The following PBX1 variants were observed in gnomAD, a reference collection of about 807,000 sequenced individuals.
PBX1 encodes PBX homeobox 1.
PBX1 carries 6 observed loss-of-function variants against 53.4 expected under a neutral mutation model. That is an observed-to-expected ratio of 0.11 (90% CI 0.06 to 0.22). The LOEUF is 0.22. Among genes scored for constraint, PBX1 ranks in the 10% least tolerant of loss-of-function variants. The probability of loss-of-function intolerance (pLI) is 1.00; values close to 1 mark genes in which losing one functional copy is unlikely to be tolerated. For missense variants in PBX1, 251 were observed against 551.4 expected (o/e 0.46, Z 5.46); for synonymous variants, 204 against 212.3 (o/e 0.96, Z 0.34).
intron 2 of PBX1, among the ~76,000 whole-genome samples, chr1:164,730,983 A>G (rs895603066): frequency 6.6e-6 from 1 of 152,200 alleles, no homozygotes; most frequent in Non-Finnish European, 1.5e-5. Context: ...CAAAAACATA[A>G]TGCATAGAGG....
rs559211790 is a variant in PBX1 at position 164,612,955 on chromosome 1, C to G, written c.265+49644C>G. ...GTATGAAGAAAAATAGACCTACCTC[C>G]CAGGGTTATTGGGCAGTTTAAATGA... On this transcript the variant is annotated intron_variant, in intron 2 of 8. Transcript: ENST00000420696. Among the ~76,000 whole-genome samples the G allele has an allele frequency of 1.2e-4, 19 of 152,220 alleles. No homozygotes were observed. The South Asian group carries it at 3.7e-3, about 30-fold the overall frequency.
At chr1:164,710,428 T>G (rs1459931418) in intron 2 of PBX1, among the ~76,000 whole-genome samples, 1 of 152,126 alleles carries the variant, frequency 6.6e-6, no homozygotes, top group East Asian at 1.9e-4. Context: ...TTTTGTTTTT[T>G]GAGATGGAGT....
At chr1:164,597,314 A>G (rs1655836091) in intron 2 of PBX1, among the ~76,000 whole-genome samples, 1 of 152,208 alleles carries the variant, frequency 6.6e-6, no homozygotes, top group Non-Finnish European at 1.5e-5. Context: ...TTGTGGAAGG[A>G]ACAGAGTTGG....
intron 2 of PBX1, among the ~76,000 whole-genome samples, chr1:164,595,310 AG>A (rs1364094852): frequency 4.6e-5 from 7 of 152,222 alleles, no homozygotes; most frequent in African/African-American, 1.7e-4. Flanking sequence ...AGCCGTGATC[AG>A]AGCCCTTGGA....
At chr1:164,764,129 T>A (rs746287038) in intron 2 of PBX1, among the ~76,000 whole-genome samples, 9 of 152,170 alleles carry the variant, frequency 5.9e-5, no homozygotes, top group Admixed American at 2.0e-4. Context: ...GCATATACTT[T>A]ATGCTCTGTA....
At chr1:164,878,994 C>T (rs1672581125) in intron 2 of PBX1, among the ~76,000 whole-genome samples, 1 of 152,058 alleles carries the variant, frequency 6.6e-6, no homozygotes, top group South Asian at 2.1e-4. Context: ...TAGAGCAGAC[C>T]CAAAAGGTAA....
intron 2 of PBX1, among the ~76,000 whole-genome samples, chr1:164,621,895 A>G (rs1018213459): frequency 1.3e-5 from 2 of 152,172 alleles, no homozygotes; most frequent in African/African-American, 4.8e-5. Flanking sequence ...GGACCAGAAG[A>G]AAAGCTCCCA....
chr1:164,633,290 C>T (rs924852263), intron 2 of PBX1, among the ~76,000 whole-genome samples: 24 of 152,166 alleles, frequency 1.6e-4, no homozygotes, highest in Admixed American at 8.5e-4. Flanking sequence ...GCTGGGATTA[C>T]AGGTGTGCGT....
intron 2 of PBX1, among the ~76,000 whole-genome samples, chr1:164,704,098 A>G (rs914242164): frequency 6.6e-6 from 1 of 152,180 alleles, no homozygotes. Context: ...AATCTGAAGG[A>G]AAACAGATAC....
At chr1:164,741,673 A>T (rs184709957) in intron 2 of PBX1, among the ~76,000 whole-genome samples, 1 of 151,662 alleles carries the variant, frequency 6.6e-6, no homozygotes, top group African/African-American at 2.4e-5. Context: ...CTTACTTATG[A>T]TCTCTAGATG....
At chr1:164,859,575 AT>A (rs1230407810) in intron 2 of PBX1, among the ~76,000 whole-genome samples, 2 of 152,294 alleles carry the variant, frequency 1.3e-5, no homozygotes, top group Non-Finnish European at 2.9e-5. Flanking sequence ...TGCATTGCCA[AT>A]ACCCCCTCTA....
chr1:164,755,566 T>G (rs1186882786), intron 2 of PBX1, among the ~76,000 whole-genome samples: 1 of 150,082 alleles, frequency 6.7e-6, no homozygotes, highest in African/African-American at 2.5e-5. Flanking sequence ...TATGCAGCAT[T>G]TTTTTTTTAA....
At chr1:164,764,623 G>C (rs895223605) in intron 2 of PBX1, among the ~76,000 whole-genome samples, 2 of 151,996 alleles carry the variant, frequency 1.3e-5, no homozygotes, top group African/African-American at 4.8e-5. Flanking sequence ...GTCTTATTTT[G>C]TTACATTTTC....
At chr1:164,801,336 G>A (rs1189882728) in intron 4 of PBX1, among the ~76,000 whole-genome samples, 1 of 151,924 alleles carries the variant, frequency 6.6e-6, no homozygotes, top group Non-Finnish European at 1.5e-5. Flanking sequence ...GTGACTGGTG[G>A]CCTCTGTTTG....
Position 164,849,420 on chromosome 1 carries a change from C to G in PBX1, c.*2744C>G, listed in dbSNP as rs764598049. 3.3e-6 allele frequency: 5 copies of G among 1,535,436 alleles called. No homozygotes were observed. In the Admixed American group the frequency reaches 7.8e-5, roughly 24 times the overall value. ...ATCCGTGAGATCTGTCCACATTAGGCGAAGCAGGAGAACACTGAGAGCAGC... is the reference window on the plus strand; with the variant it reads ...ATCCGTGAGATCTGTCCACATTAGGGGAAGCAGGAGAACACTGAGAGCAGC... On this transcript the variant is annotated 3_prime_UTR_variant, in exon 9 of 9. Coordinates refer to ENST00000420696, the MANE Select transcript of PBX1 (RefSeq NM_002585.4).
At chr1:164,686,968 C>CAAA (rs1662139426) in intron 2 of PBX1, among the ~76,000 whole-genome samples, 1 of 146,166 alleles carries the variant, frequency 6.8e-6, no homozygotes, top group African/African-American at 2.5e-5. Flanking sequence ...AAAAAAAAAC[C>CAAA]AAAAAAACGA....
chr1:164,834,029 A>ATG (rs35739146), intron 8 of PBX1, among the ~76,000 whole-genome samples: 9,117 of 128,210 alleles, frequency 0.071, 347 homozygotes, highest in African/African-American at 0.1. Context: ...ATATATGTAT[A>ATG]TGTGTGTGTG....
intron 2 of PBX1, among the ~76,000 whole-genome samples, chr1:164,755,391 C>T (rs913771973): frequency 2.0e-5 from 3 of 152,104 alleles, no homozygotes; most frequent in Non-Finnish European, 4.4e-5. Flanking sequence ...TCAGGTGATC[C>T]GCCCACCCTG....
intron 2 of PBX1, among the ~76,000 whole-genome samples, chr1:164,601,262 A>T (rs1225418101): frequency 6.8e-6 from 1 of 146,970 alleles, no homozygotes. Flanking sequence ...AAAAAAAAAA[A>T]GCAGACACAG....
Sources: allele counts gnomAD v4.1 joint callset (sites outside exome capture counted in the v4.1 genomes callset), GRCh38; gene constraint gnomAD v4.1.1; transcripts MANE v1.5; gene names NCBI Gene and HGNC (gene_info 2026-07-23, HGNC 2026-07-21).